The following TMEM201 variants were observed in gnomAD, a reference collection of about 807,000 sequenced individuals.
TMEM201 encodes RP13-15M17.2.
TMEM201 carries 26 observed loss-of-function variants against 63.4 expected under a neutral mutation model. The observed-to-expected ratio is 0.41, with a 90% CI of 0.30 to 0.57. The LOEUF is 0.57. Ranked by LOEUF, TMEM201 falls within the 20% of genes least tolerant of loss-of-function variation. TMEM201 has a pLI of 0.29. For synonymous variants in TMEM201, 417 were observed against 421.6 expected, an observed-to-expected ratio of 0.99 and a Z score of 0.14; for missense variants, 794 against 917.7, an observed-to-expected ratio of 0.87 and a Z score of 1.74.
In TMEM201 at chr1:9,603,044, G is replaced by A; in HGVS notation, c.1160+772G>A. 1 of 985,490 alleles carries A rather than the reference G, an allele frequency of 1.0e-6. No homozygotes were observed. Among genetic ancestry groups the A allele is most frequent in the Non-Finnish European group, 1.2e-6 (1 of 829,986 alleles). The allele number at this position is 985,490 out of a possible 1,614,324, so 61.0% of individuals were successfully genotyped here. On this transcript the variant is annotated intron_variant, in intron 6 of 10. Transcript: ENST00000340381. This position sits in a 1 kb window ranked among gnomAD's most constrained non-coding sequence, Gnocchi z 4.5. ...CAGTAGGAGCCTGTGCTGACCTTGGGGAATCTGAGCTTTTCCAAGGGTAAG... is the reference window on the plus strand; with the variant it reads ...CAGTAGGAGCCTGTGCTGACCTTGGAGAATCTGAGCTTTTCCAAGGGTAAG...
At position 9,604,078 on chromosome 1, in the gene TMEM201, G is replaced by A; in HGVS notation, c.1160+1806G>A. The A allele has an allele frequency of 1.0e-6, 1 of 985,458 alleles. No homozygotes were observed. The highest frequency in any genetic ancestry group is 5.2e-4 in the Middle Eastern group (1 of 1,914). 61.0% of individuals were successfully genotyped at this position (985,458 alleles called of 1,614,324 possible). A position where few individuals can be genotyped will look rare whatever the true frequency, so the allele number is the denominator to read the frequency against. On this transcript the variant is annotated intron_variant, in intron 6 of 10. Coordinates refer to ENST00000340381, the MANE Select transcript of TMEM201 (RefSeq NM_001130924.3). The surrounding 1 kb of genome is among the most constrained non-coding windows in gnomAD (Gnocchi z 4.1). ...CCACAAAGAGCCCATCTGAGAGAAGGACGTGGTGGAGCCAGGACGGGAAAG... is the reference window on the plus strand; with the variant it reads ...CCACAAAGAGCCCATCTGAGAGAAGAACGTGGTGGAGCCAGGACGGGAAAG...
At position 9,611,757 on chromosome 1, in the gene TMEM201, G is replaced by A; in HGVS notation, c.1770G>A (p.Leu590=). The change falls in exon 10 of 11, where the codon CTG becomes CTA. Residue 590 remains leucine, a synonymous_variant. Coordinates refer to ENST00000340381, the MANE Select transcript of TMEM201 (RefSeq NM_001130924.3). ...PLQDVKHALD[L]RSKLERGSAC... The stretch of plus-strand genomic sequence containing the variant: ...AACACACCCTTCTCTCTGCAGACCT[G>A]AGATCCAAGCTGGAAAGAGGCAGTG... 1 of 1,551,412 alleles carries A rather than the reference G, an allele frequency of 6.4e-7. No individual in the cohort carries two copies. The highest frequency in any genetic ancestry group is 2.4e-5 in the East Asian group (1 of 40,912).
intron 9 of TMEM201, among the ~76,000 whole-genome samples, chr1:9,611,282 C>T (rs1031301971): frequency 2.0e-5 from 3 of 151,942 alleles, no homozygotes; most frequent in African/African-American, 7.3e-5. Context: ...ACTGCAACCT[C>T]CTCCTCCAGG....
In TMEM201 at chr1:9,605,060, G is replaced by T; in HGVS notation, c.1161-2497G>T. 1.0e-6 allele frequency: 1 copy of T among 980,404 alleles called. No individual in the cohort carries two copies. Among genetic ancestry groups the T allele is most frequent in the African/African-American group, 1.7e-5 (1 of 57,246 alleles). The allele number at this position is 980,404 out of a possible 1,614,324, so 60.7% of individuals were successfully genotyped here. A position where few individuals can be genotyped will look rare whatever the true frequency, so the allele number is the denominator to read the frequency against. On this transcript the variant is annotated intron_variant, in intron 6 of 10. Transcript: ENST00000340381. This position sits in a 1 kb window ranked among gnomAD's most constrained non-coding sequence, Gnocchi z 5.7. ...TTGGGGTACAGACACGTCCACAGGAGTCAGGTTTGGGAGCCAGTGACAATG... is the reference window on the plus strand; with the variant it reads ...TTGGGGTACAGACACGTCCACAGGATTCAGGTTTGGGAGCCAGTGACAATG...
intron 1 of TMEM201, among the ~76,000 whole-genome samples, chr1:9,592,558 C>T (rs1643938819): frequency 6.6e-6 from 1 of 152,294 alleles, no homozygotes; most frequent in South Asian, 2.1e-4. Context: ...GAGGACCCAG[C>T]GCTGGGCTCG....
chr1:9,601,540 T>C, intron 5 of TMEM201, 86 bp downstream of exon 5: 2 of 1,290,592 alleles, frequency 1.5e-6, no homozygotes, highest in Non-Finnish European at 2.1e-6. Context: ...GAGACCCCAT[T>C]GGGTGCACAG....
At chr1:9,611,499 C>T (rs141843876) in intron 9 of TMEM201, among the ~76,000 whole-genome samples, 33 of 152,284 alleles carry the variant, frequency 2.2e-4, no homozygotes, top group Middle Eastern at 3.4e-3. Flanking sequence ...CGCCCGGCCT[C>T]GAATGTTTAG....
At chr1:9,590,509 C>G (rs1020276868) in intron 1 of TMEM201, among the ~76,000 whole-genome samples, 1 of 152,174 alleles carries the variant, frequency 6.6e-6, no homozygotes, top group Non-Finnish European at 1.5e-5. Flanking sequence ...CACTGTGCCA[C>G]ACACTGCAGC....
At position 9,608,110 on chromosome 1, in the gene TMEM201, G is replaced by A. The variant is rs186648298; in HGVS notation, c.1393+321G>A. Reference sequence around the variant, plus strand: ...GTTTTAATTAACTGGGCATGGTGGCGTACACCTATAGTCCCAGCTATTTAG... The same window carrying A: ...GTTTTAATTAACTGGGCATGGTGGCATACACCTATAGTCCCAGCTATTTAG... On this transcript the variant is annotated intron_variant, in intron 7 of 10. Transcript: ENST00000340381. This position sits in a 1 kb window ranked among gnomAD's most constrained non-coding sequence, Gnocchi z 4.3. 6.4e-4 allele frequency among the ~76,000 whole-genome samples: 98 copies of A among 152,238 alleles called. No individual in the cohort carries two copies. The highest frequency in any genetic ancestry group is 2.1e-3 in the African/African-American group (89 of 41,538).
chr1:9,612,891 G>C, intron 10 of TMEM201, 95 bp from the exon 11 acceptor site: 2 of 1,077,636 alleles, frequency 1.9e-6, no homozygotes, highest in South Asian at 1.4e-5. Flanking sequence ...GCAGAGCCTT[G>C]AGCTCCCCAC....
intron 6 of TMEM201, chr1:9,606,079 C>T (rs1230002258): frequency 1.3e-5 from 2 of 152,336 alleles, no homozygotes; most frequent in Non-Finnish European, 2.9e-5. Flanking sequence ...TTCACTGCCC[C>T]TGCCTAAAGG....
chr1:9,595,174 A>G (rs554553602), intron 1 of TMEM201, among the ~76,000 whole-genome samples: 2 of 152,232 alleles, frequency 1.3e-5, no homozygotes, highest in South Asian at 2.1e-4. Context: ...CCCACAACCA[A>G]TGAGGTGGGT....
chr1:9,606,530 A>C (rs1226883095), intron 6 of TMEM201: 2 of 152,248 alleles, frequency 1.3e-5, no homozygotes, highest in East Asian at 3.9e-4. Flanking sequence ...GCATGCAGTC[A>C]TGCTGGGCGC....
At position 9,609,874 on chromosome 1, in the gene TMEM201, A is replaced by T; in HGVS notation, c.1428A>T (p.Pro476=). Residue 476 remains proline, a synonymous_variant, in exon 8 of 11, where the codon CCA becomes CCT. Coordinates refer to ENST00000340381, the MANE Select transcript of TMEM201 (RefSeq NM_001130924.3). ...ATCTGTTCAGCGGTAGCCGCCCACC[A>T]TCTCAGGTGTCTCGATCTGGGGAGT... ...SGYLFSGSRP[P]SQVSRSGEFP... The T allele has an allele frequency of 6.4e-7, 1 of 1,551,364 alleles. No homozygotes were observed. Among genetic ancestry groups the T allele is most frequent in the African/African-American group, 1.4e-5 (1 of 73,120 alleles).
chr1:9,596,862 G>T lies in TMEM201; in HGVS notation c.238G>T (p.Gly80Cys), dbSNP rs1297933336. ...CEQYNGFQEN[G>C]DYNKPIPAQY... ...GAGTCCCACCTCTCTCCCGCAGAAC[G>T]GCGACTACAACAAGCCGATCCCCGC... Residue 80 changes from glycine to cysteine, a missense_variant, in exon 3 of 11, where the codon GGC becomes TGC. Transcript: ENST00000340381. 2 of 1,584,494 alleles carry T rather than the reference G, an allele frequency of 1.3e-6. No individual in the cohort carries two copies. The highest frequency in any genetic ancestry group is 1.3e-5 in the African/African-American group (1 of 74,490).
Position 9,603,127 on chromosome 1 carries a change from T to C in TMEM201, c.1160+855T>C, listed in dbSNP as rs553006319. 22 of 985,416 alleles carry C rather than the reference T, an allele frequency of 2.2e-5. No homozygotes were observed. The highest frequency in any genetic ancestry group is 2.7e-5 in the Non-Finnish European group (22 of 830,014). 61.0% of individuals were successfully genotyped at this position (985,416 alleles called of 1,614,324 possible). On this transcript the variant is annotated intron_variant, in intron 6 of 10. Transcript: ENST00000340381. This position sits in a 1 kb window ranked among gnomAD's most constrained non-coding sequence, Gnocchi z 4.5. The stretch of plus-strand genomic sequence containing the variant: ...AGGTCGTTGTCATCCTTTCCCTCCC[T>C]GACCTGTCACGAGCCTCTGCAGGTG...
rs1644301683 is a variant in TMEM201 at position 9,610,161 on chromosome 1, C to T, written c.1465+250C>T. Among the ~76,000 whole-genome samples the T allele has an allele frequency of 6.6e-6, 1 of 152,182 alleles. No individual in the cohort carries two copies. Among genetic ancestry groups the T allele is most frequent in the Non-Finnish European group, 1.5e-5 (1 of 68,022 alleles). On this transcript the variant is annotated intron_variant, in intron 8 of 10. Transcript: ENST00000340381. The surrounding 1 kb of genome is among the most constrained non-coding windows in gnomAD (Gnocchi z 4.9). ...GTGGCAGTCACGGCTGGAACTGGTG[C>T]ACCAGGTGCCAGCTGGCAGCAAGGC...
At position 9,613,142 on chromosome 1, in the gene TMEM201, G is replaced by T; in HGVS notation, c.*59G>T. ...CGGTGCCTGCTGCTTCACCACTGCCGGCCTCAGGACCCTCCCTGGAGGGGC... is the reference window on the plus strand; with the variant it reads ...CGGTGCCTGCTGCTTCACCACTGCCTGCCTCAGGACCCTCCCTGGAGGGGC... On this transcript the variant is annotated 3_prime_UTR_variant, in exon 11 of 11. Coordinates refer to ENST00000340381, the MANE Select transcript of TMEM201 (RefSeq NM_001130924.3). The T allele has an allele frequency of 6.6e-7, 1 of 1,512,298 alleles. No homozygotes were observed. The allele number at this position is 1,512,298 out of a possible 1,614,324, so 93.7% of individuals were successfully genotyped here.
chr1:9,597,121 G>T (rs1644040098), intron 3 of TMEM201, 68 bp downstream of exon 3: 1 of 1,513,972 alleles, frequency 6.6e-7, no homozygotes, highest in Non-Finnish European at 8.9e-7. Context: ...CCGGGGGACA[G>T]GCACGTGCAG....
Sources: allele counts gnomAD v4.1 joint callset (sites outside exome capture counted in the v4.1 genomes callset), GRCh38; gene constraint gnomAD v4.1.1; non-coding constraint Gnocchi (gnomAD v3.1); transcripts MANE v1.5; gene names NCBI Gene and HGNC (gene_info 2026-07-23, HGNC 2026-07-21).